The following TCEA3 variants were observed in gnomAD, a reference collection of about 807,000 sequenced individuals.
TCEA3 encodes the protein transcription elongation factor A protein 3.
TCEA3 carries 36 observed loss-of-function variants against 44.0 expected under a neutral mutation model. The ratio of observed to expected loss-of-function variants is 0.82; its 90% CI spans 0.63 to 1.08. The LOEUF is 1.08. Ranked by LOEUF, TCEA3 falls within the 50% of genes least tolerant of loss-of-function variation. TCEA3 has a pLI of 0.00. For missense variants in TCEA3, 392 were observed against 441.2 expected (o/e 0.89, Z 1.00); for synonymous variants, 162 against 159.7 (o/e 1.01, Z -0.11).
intron 5 of TCEA3, among the ~76,000 whole-genome samples, chr1:23,408,397 C>T (rs1193903949): frequency 6.6e-6 from 1 of 152,130 alleles, no homozygotes; most frequent in Non-Finnish European, 1.5e-5. Context: ...CGGGGGCACA[C>T]TTGCTAAATG....
intron 4 of TCEA3, chr1:23,411,099 TAGCC>T (rs1193801482): frequency 5.1e-6 from 1 of 195,270 alleles, no homozygotes; most frequent in East Asian, 1.4e-4. Flanking sequence ...ATCAGCATTC[TAGCC>T]AGGCCCTGGA....
intron 5 of TCEA3, chr1:23,404,245 C>A: frequency 1.4e-6 from 1 of 695,926 alleles, no homozygotes; most frequent in South Asian, 1.5e-5. Context: ...TGGTATCCTC[C>A]GTGGTCTGCT....
chr1:23,423,022 C>T (rs1640110989), intron 1 of TCEA3, among the ~76,000 whole-genome samples: 2 of 152,190 alleles, frequency 1.3e-5, no homozygotes, highest in South Asian at 4.1e-4. Context: ...GCTGGGATAA[C>T]CCGTCTATTT....
chr1:23,397,032 G>A (rs975035706), intron 7 of TCEA3, among the ~76,000 whole-genome samples: 1 of 149,582 alleles, frequency 6.7e-6, no homozygotes, highest in Non-Finnish European at 1.5e-5. Flanking sequence ...AAAAAAGGGC[G>A]CTGTTAACAT....
At chr1:23,400,230 C>T (rs1334539795) in intron 5 of TCEA3, among the ~76,000 whole-genome samples, 2 of 152,168 alleles carry the variant, frequency 1.3e-5, no homozygotes, top group Admixed American at 6.5e-5. Context: ...GCCCATTTTA[C>T]AGATGATGGA....
intron 4 of TCEA3, among the ~76,000 whole-genome samples, chr1:23,416,127 C>T (rs138150833): frequency 0.015 from 2,272 of 151,828 alleles, 37 homozygotes; most frequent in Non-Finnish European, 0.02. Context: ...CTGCCTCAGC[C>T]TCCCGAGTAG....
intron 10 of TCEA3, 32 bp downstream of exon 10, chr1:23,384,314 C>T (rs1482107898): frequency 1.2e-6 from 2 of 1,613,678 alleles, no homozygotes; most frequent in East Asian, 4.5e-5. Context: ...ATGTGGATAA[C>T]AGGGAAGGGG....
Position 23,393,867 on chromosome 1 carries a change from C to G in TCEA3, c.819+12G>C, listed in dbSNP as rs752354981. 20 of 1,611,932 alleles carry G rather than the reference C, an allele frequency of 1.2e-5. No individual in the cohort carries two copies. In the East Asian group the frequency reaches 3.1e-4, roughly 25 times the overall value. ...GGCTTCCTGCCTCACCATGCAGATG[C>G]CCTGCTCTCACCTCTGCCGTCATCT... On this transcript the variant is annotated intron_variant, in intron 8 of 10. Coordinates refer to ENST00000450454, the MANE Select transcript of TCEA3 (RefSeq NM_003196.3).
At chr1:23,385,064 T>C (rs1409735816) in intron 9 of TCEA3, among the ~76,000 whole-genome samples, 2 of 152,146 alleles carry the variant, frequency 1.3e-5, no homozygotes, top group Non-Finnish European at 2.9e-5. Context: ...CTAAATATCA[T>C]TGGGACTATT....
chr1:23,417,929 A>T lies in TCEA3; in HGVS notation c.213T>A (p.Leu71=). ...DKEVVSLAKV[L]IKNWKRLLDS... Reference sequence around the variant, plus strand: ...CTAGCAGCCGCTTCCAGTTTTTGATAAGGACTTTGGCCAAGGACACCACCT... The same window carrying T: ...CTAGCAGCCGCTTCCAGTTTTTGATTAGGACTTTGGCCAAGGACACCACCT... Residue 71 remains leucine (L), a synonymous_variant, in exon 3 of 11, where the codon CTT becomes CTA. Coordinates refer to ENST00000450454, the MANE Select transcript of TCEA3 (RefSeq NM_003196.3). 1 of 1,614,060 alleles carries T rather than the reference A, an allele frequency of 6.2e-7. No homozygotes were observed. Among genetic ancestry groups the T allele is most frequent in the Middle Eastern group, 1.7e-4 (1 of 6,060 alleles).
chr1:23,419,353 A>G, intron 1 of TCEA3: 2 of 386,014 alleles, frequency 5.2e-6, no homozygotes, highest in Non-Finnish European at 9.2e-6. Context: ...AAACCCTCTG[A>G]GCCAGGCTCC....
intron 8 of TCEA3, among the ~76,000 whole-genome samples, chr1:23,387,921 G>A (rs1638901613): frequency 6.6e-6 from 1 of 152,108 alleles, no homozygotes; most frequent in African/African-American, 2.4e-5. Flanking sequence ...CCATCCTGAA[G>A]CTCCTGGGCT....
In TCEA3 at chr1:23,408,718, G is replaced by C; in HGVS notation, c.389C>G (p.Ser130Cys). 1.2e-6 allele frequency: 2 copies of C among 1,609,008 alleles called. No homozygotes were observed. Among genetic ancestry groups the C allele is most frequent in the Admixed American group, 3.4e-5 (2 of 59,268 alleles). ...GGAGGCAGAAGACTTGGAGTCCACAGAGTCTCTCCTGAAAGAAGAAAATTG... is the reference window on the plus strand; with the variant it reads ...GGAGGCAGAAGACTTGGAGTCCACACAGTCTCTCCTGAAAGAAGAAAATTG... ...KREDPKTRRD[S>C]VDSKSSASSS... The change falls in exon 5 of 11, where the codon TCT (serine) becomes TGT (cysteine). Residue 130 changes from serine (S) to cysteine (C), a missense_variant. Transcript: ENST00000450454.
At chr1:23,395,536 G>A (rs1570245639) in intron 7 of TCEA3, among the ~76,000 whole-genome samples, 2 of 152,314 alleles carry the variant, frequency 1.3e-5, no homozygotes, top group South Asian at 4.1e-4. Flanking sequence ...TTAGAAGAGG[G>A]ACATTCAGGC....
chr1:23,414,337 G>A (rs1224474986), intron 4 of TCEA3, among the ~76,000 whole-genome samples: 1 of 151,974 alleles, frequency 6.6e-6, no homozygotes, highest in Non-Finnish European at 1.5e-5. Flanking sequence ...TGATCTGCCC[G>A]CCTCAGCCTC....
intron 5 of TCEA3, among the ~76,000 whole-genome samples, chr1:23,408,013 T>G (rs182725293): frequency 6.3e-4 from 96 of 152,078 alleles, no homozygotes; most frequent in Admixed American, 1.3e-3. Flanking sequence ...CCAGGTTGGA[T>G]TGCAGTGGCG....
chr1:23,387,437 T>C lies in TCEA3; in HGVS notation c.820-18A>G, dbSNP rs1638880655. The stretch of plus-strand genomic sequence containing the variant: ...GCCATTTCCTGGAGAAAAAAGAGTC[T>C]ACCCTTCAGGGCTGAGGAGTTTCAG... On this transcript the variant is annotated intron_variant, in intron 8 of 10. Transcript: ENST00000450454. 1 of 1,580,814 alleles carries C rather than the reference T, an allele frequency of 6.3e-7. No homozygotes were observed. The highest frequency in any genetic ancestry group is 8.6e-7 in the Non-Finnish European group (1 of 1,162,616).
chr1:23,381,194 C>A lies in TCEA3; in HGVS notation c.*272G>T. On this transcript the variant is annotated 3_prime_UTR_variant, in exon 11 of 11. Transcript: ENST00000450454. ...CCTCCCAGAGTTTGCAGATTACAGCCATAAACCACCGTGCCCAGCCCTCTG... is the reference window on the plus strand; with the variant it reads ...CCTCCCAGAGTTTGCAGATTACAGCAATAAACCACCGTGCCCAGCCCTCTG... The A allele has an allele frequency of 2.1e-6, 1 of 465,194 alleles. No individual in the cohort carries two copies. 28.8% of individuals were successfully genotyped at this position (465,194 alleles called of 1,614,324 possible). A position where few individuals can be genotyped will look rare whatever the true frequency, so the allele number is the denominator to read the frequency against.
Position 23,419,137 on chromosome 1 carries a change from T to G in TCEA3, c.72A>C (p.Glu24Asp), listed in dbSNP as rs565631939. ...LEKMVARKNT[E>D]GALDLLKKLH... Reference sequence around the variant, plus strand: ...GCTTCTTCAGAAGGTCCAGGGCCCCTTCCTGTGGGAGGCCACAAGGTGAGG... The same window carrying G: ...GCTTCTTCAGAAGGTCCAGGGCCCCGTCCTGTGGGAGGCCACAAGGTGAGG... Residue 24 changes from glutamate to aspartate, a missense_variant and splice_region_variant, in exon 2 of 11, where the codon GAA becomes GAC. Transcript: ENST00000450454. 18 of 1,431,400 alleles carry G rather than the reference T, an allele frequency of 1.3e-5. No homozygotes were observed. In the South Asian group the frequency reaches 2.1e-4, roughly 17 times the overall value. 88.7% of individuals were successfully genotyped at this position (1,431,400 alleles called of 1,614,324 possible).
Sources: gnomAD v4.1 joint callset for allele counts (sites outside exome capture counted in the v4.1 genomes callset) on GRCh38, gnomAD v4.1.1 for gene constraint, MANE v1.5 for transcripts, NCBI Gene and HGNC (gene_info 2026-07-23, HGNC 2026-07-21) for gene names.